PRR5L: variants seen among roughly 807,000 people sequenced by gnomAD.
PRR5L encodes proline-rich protein 5-like.
Under a neutral mutation model 36.4 loss-of-function variants are expected in PRR5L, and 21 were observed. That is an observed-to-expected ratio of 0.58 (90% CI 0.41 to 0.83). The LOEUF is 0.83. Ranked by LOEUF, PRR5L falls within the 40% of genes least tolerant of loss-of-function variation. The probability of loss-of-function intolerance (pLI) is 0.00; values close to 1 mark genes in which losing one functional copy is unlikely to be tolerated. For synonymous variants in PRR5L, 188 were observed against 197.0 expected (o/e 0.95, Z 0.38); for missense variants, 381 against 473.3 (o/e 0.80, Z 1.81).
intron 3 of PRR5L, among the ~76,000 whole-genome samples, chr11:36,403,774 C>T (rs1300043674): frequency 6.6e-6 from 1 of 152,178 alleles, no homozygotes; most frequent in Non-Finnish European, 1.5e-5. Flanking sequence ...GACTTACCAG[C>T]AAACATTTGA....
chr11:36,406,898 A>C (rs1385197547), intron 3 of PRR5L, among the ~76,000 whole-genome samples: 1 of 152,214 alleles, frequency 6.6e-6, no homozygotes. Flanking sequence ...ACCAGGGATC[A>C]AGACTGGGCT....
Position 36,348,475 on chromosome 11 carries a change from G to A in PRR5L, c.-126+52037G>A, listed in dbSNP as rs181583127. ...TCCTGCTTTAACTAACCAAGTCCCC[G>A]CCTCTTCCGACCATGTGTTTATCTC... On this transcript the variant is annotated intron_variant, in intron 1 of 8. Coordinates refer to ENST00000530639, the MANE Select transcript of PRR5L (RefSeq NM_001160167.2). 3.7e-3 allele frequency among the ~76,000 whole-genome samples: 556 copies of A among 152,130 alleles called. 1 individual carries two copies. The highest frequency in any genetic ancestry group is 6.4e-3 in the Non-Finnish European group (436 of 67,992).
At position 36,462,392 on chromosome 11, in the gene PRR5L, TC is replaced by T; in HGVS notation, c.767del (p.Pro256ArgfsTer2). 3 of 1,556,760 alleles carry T rather than the reference TC, an allele frequency of 1.9e-6. No individual in the cohort carries two copies. Among genetic ancestry groups the T allele is most frequent in the Non-Finnish European group, 2.6e-6 (3 of 1,148,878 alleles). ...RPKVTVLNYA[S>X]PITAVSRPLN... ...CAAGGTGACTGTCCTGAACTATGCC[TC>T]CCCGATAACCGCAGTCAGCCGGCCA... is the stretch of plus-strand genomic sequence containing the variant. On this transcript the variant is annotated frameshift_variant, in exon 9 of 9. Coordinates refer to ENST00000530639, the MANE Select transcript of PRR5L (RefSeq NM_001160167.2). LOFTEE classifies it high-confidence loss of function.
chr11:36,405,243 A>G (rs908777641), intron 3 of PRR5L, among the ~76,000 whole-genome samples: 1 of 152,202 alleles, frequency 6.6e-6, no homozygotes, highest in African/African-American at 2.4e-5. Flanking sequence ...GCCCTCTGTC[A>G]AAAGAGGATT....
At chr11:36,416,537 C>A (rs1192094161) in intron 3 of PRR5L, among the ~76,000 whole-genome samples, 1 of 152,212 alleles carries the variant, frequency 6.6e-6, no homozygotes, top group Non-Finnish European at 1.5e-5. Context: ...AAAGGCCCCT[C>A]TTCATGTTCT....
At chr11:36,415,740 T>C (rs965189218) in intron 3 of PRR5L, among the ~76,000 whole-genome samples, 5 of 151,844 alleles carry the variant, frequency 3.3e-5, no homozygotes, top group African/African-American at 1.2e-4. Context: ...TGCAACTCTG[T>C]CTCAATAAAA....
At chr11:36,301,641 C>T (rs759434606) in intron 1 of PRR5L, among the ~76,000 whole-genome samples, 3 of 152,038 alleles carry the variant, frequency 2.0e-5, no homozygotes, top group East Asian at 3.9e-4. Context: ...AATAAACATA[C>T]GGAGGGGCTG....
chr11:36,351,069 T>C (rs1251078959), intron 1 of PRR5L, among the ~76,000 whole-genome samples: 3 of 118,288 alleles, frequency 2.5e-5, no homozygotes, highest in African/African-American at 3.4e-5. Flanking sequence ...TATATATAAA[T>C]ATATATTTAT....
At chr11:36,398,543 A>T (rs1857718340) in intron 1 of PRR5L, 1 of 152,268 alleles carries the variant, frequency 6.6e-6, no homozygotes, top group African/African-American at 2.4e-5. Flanking sequence ...CATTCTCTTC[A>T]GCTGTCAGGA....
At chr11:36,403,202 T>C in intron 2 of PRR5L, 96 bp from the exon 3 acceptor site, 1 of 996,196 alleles carries the variant, frequency 1.0e-6, no homozygotes, top group South Asian at 1.4e-5. Context: ...TGCTATGAGC[T>C]TCCTGGTCAC....
chr11:36,440,013 G>A (rs1461477626), intron 6 of PRR5L, among the ~76,000 whole-genome samples: 1 of 152,168 alleles, frequency 6.6e-6, no homozygotes, highest in Non-Finnish European at 1.5e-5. Context: ...CCTAAGAGAT[G>A]GCTAAGTCCT....
At chr11:36,313,038 A>G (rs1427720116) in intron 1 of PRR5L, among the ~76,000 whole-genome samples, 1 of 152,142 alleles carries the variant, frequency 6.6e-6, no homozygotes. Flanking sequence ...GCCAGATGTC[A>G]GTGTGCAGCT....
intron 1 of PRR5L, among the ~76,000 whole-genome samples, chr11:36,388,791 C>A (rs568042672): frequency 6.6e-6 from 1 of 151,390 alleles, no homozygotes; most frequent in African/African-American, 2.4e-5. Flanking sequence ...CTCCGCCTCC[C>A]GGATTCACGC....
At chr11:36,350,211 TGGG>T (rs1856913720) in intron 1 of PRR5L, 1 of 108,612 alleles carries the variant, frequency 9.2e-6, no homozygotes, top group African/African-American at 3.7e-5. Context: ...TGAGTGTGTG[TGGG>T]GTGGGTGTGT....
chr11:36,350,998 A>ATATATATTTATATATT lies in PRR5L; in HGVS notation c.-125-49985_-125-49984insTTTATATATTTATATA, dbSNP rs1156369402. On this transcript the variant is annotated intron_variant, in intron 1 of 8. Transcript: ENST00000530639. ...TATATATTTATATATTTATATATTT[A>ATATATATTTATATATT]TATATATTTATATAGTTATATATTT... 1.4e-3 allele frequency among the ~76,000 whole-genome samples: 73 copies of ATATATATTTATATATT among 51,762 alleles called. 22 individuals carry two copies. Among genetic ancestry groups the ATATATATTTATATATT allele is most frequent in the African/African-American group, 7.4e-3 (59 of 8,004 alleles). The allele number at this position is 51,762 out of a possible 152,430, so 34.0% of individuals were successfully genotyped here.
chr11:36,419,416 A>G, intron 4 of PRR5L, 113 bp downstream of exon 4: 2 of 916,068 alleles, frequency 2.2e-6, no homozygotes, highest in East Asian at 2.4e-5. Context: ...AAAATTACGT[A>G]TCTCAAGTCC....
Position 36,438,935 on chromosome 11 carries a change from G to A in PRR5L, c.444+1459G>A, listed in dbSNP as rs187555721. On this transcript the variant is annotated intron_variant, in intron 6 of 8. Transcript: ENST00000530639. Reference sequence around the variant, plus strand: ...GGGTGACAGAGCAAAACCCTGTCTCGAAATAAATAAATACTACGGGATGTT... The same window carrying A: ...GGGTGACAGAGCAAAACCCTGTCTCAAAATAAATAAATACTACGGGATGTT... 4.3e-3 allele frequency among the ~76,000 whole-genome samples: 661 copies of A among 152,192 alleles called. 6 individuals are homozygous for A. Among genetic ancestry groups the A allele is most frequent in the African/African-American group, 0.015 (632 of 41,530 alleles).
At chr11:36,299,507 C>T (rs1856350386) in intron 1 of PRR5L, among the ~76,000 whole-genome samples, 2 of 152,204 alleles carry the variant, frequency 1.3e-5, no homozygotes, top group Admixed American at 6.5e-5. Context: ...CTTTTGTCAG[C>T]CCTGCATGAT....
rs1857984576 is a variant in PRR5L at position 36,409,653 on chromosome 11, G to GTGTGC, written c.245+6275_245+6276insTGTGC. On this transcript the variant is annotated intron_variant, in intron 3 of 8. Coordinates refer to ENST00000530639, the MANE Select transcript of PRR5L (RefSeq NM_001160167.2). ...TGAGCCTGGATCCAGCTCACAGGCT[G>GTGTGC]ATGCCATAGACCAGTCCCAGGCCTG... Among the ~76,000 whole-genome samples the GTGTGC allele has an allele frequency of 5.9e-5, 9 of 152,214 alleles. 1 individual carries two copies. Among genetic ancestry groups the GTGTGC allele is most frequent in the African/African-American group, 2.2e-4 (9 of 41,452 alleles).
Sources: gnomAD v4.1 joint callset for allele counts (sites outside exome capture counted in the v4.1 genomes callset) on GRCh38, gnomAD v4.1.1 for gene constraint, MANE v1.5 for transcripts, NCBI Gene and HGNC (gene_info 2026-07-23, HGNC 2026-07-21) for gene names.